The following MARCHF1 variants were observed in gnomAD, a reference collection of about 807,000 sequenced individuals.
MARCHF1 encodes the protein E3 ubiquitin-protein ligase MARCHF1.
A neutral mutation model predicts 54.2 loss-of-function variants in MARCHF1; 40 were observed. The ratio of observed to expected loss-of-function variants is 0.74; its 90% CI spans 0.57 to 0.96. The LOEUF is 0.96. Ranked by LOEUF, MARCHF1 falls within the 40% of genes least tolerant of loss-of-function variation. MARCHF1 has a pLI of 0.00. For synonymous variants in MARCHF1, 236 were observed against 236.3 expected, an observed-to-expected ratio of 1.00 and a Z score of 0.01; for missense variants, 586 against 656.5, an observed-to-expected ratio of 0.89 and a Z score of 1.17.
At chr4:163,713,829 ACCAAAG>A (rs998852105) in intron 4 of MARCHF1, among the ~76,000 whole-genome samples, 6 of 152,202 alleles carry the variant, frequency 3.9e-5, no homozygotes, top group Non-Finnish European at 5.9e-5. Context: ...GTATGATACA[ACCAAAG>A]CCTCAATGAA....
intron 1 of MARCHF1, among the ~76,000 whole-genome samples, chr4:164,229,084 T>C (rs1387444357): frequency 6.6e-6 from 1 of 152,132 alleles, no homozygotes; most frequent in Non-Finnish European, 1.5e-5. Flanking sequence ...CTCAAATATA[T>C]AGAAAGCTGT....
intron 1 of MARCHF1, among the ~76,000 whole-genome samples, chr4:164,175,511 C>A (rs1413231760): frequency 6.6e-6 from 1 of 152,104 alleles, no homozygotes; most frequent in Admixed American, 6.5e-5. Flanking sequence ...TTGGCTAGGC[C>A]ATGGTACTCA....
chr4:164,351,485 C>A (rs1462936931), intron 1 of MARCHF1, among the ~76,000 whole-genome samples: 119 of 151,416 alleles, frequency 7.9e-4, no homozygotes, highest in South Asian at 1.0e-3. Context: ...CTGGGAGGCA[C>A]CCCCCAGCAG....
intron 1 of MARCHF1, among the ~76,000 whole-genome samples, chr4:164,296,587 C>A (rs1734417200): frequency 6.6e-6 from 1 of 152,014 alleles, no homozygotes; most frequent in African/African-American, 2.4e-5. Flanking sequence ...CCAGGCTGGT[C>A]TTGAACTCCT....
intron 4 of MARCHF1, among the ~76,000 whole-genome samples, chr4:163,759,337 AC>A (rs1174184240): frequency 6.6e-6 from 1 of 152,238 alleles, no homozygotes; most frequent in East Asian, 1.9e-4. Context: ...TCCAAAAGGT[AC>A]ATGATAATGT....
intron 1 of MARCHF1, among the ~76,000 whole-genome samples, chr4:164,232,083 C>A (rs1350580732): frequency 6.6e-6 from 1 of 152,080 alleles, no homozygotes; most frequent in Middle Eastern, 3.2e-3. Flanking sequence ...AAGAAGGCAG[C>A]CACTCACATG....
chr4:164,372,089 T>A (rs779727547), intron 1 of MARCHF1, among the ~76,000 whole-genome samples: 1 of 152,172 alleles, frequency 6.6e-6, no homozygotes, highest in African/African-American at 2.4e-5. Flanking sequence ...AAAATAAATT[T>A]AAAAAATGAA....
intron 2 of MARCHF1, among the ~76,000 whole-genome samples, chr4:164,101,136 C>A (rs1755544897): frequency 6.6e-6 from 1 of 152,208 alleles, no homozygotes; most frequent in African/African-American, 2.4e-5. Context: ...TTGCTGATTG[C>A]TAGCACGGCA....
chr4:164,196,439 C>T (rs1253409208), intron 1 of MARCHF1, among the ~76,000 whole-genome samples: 2 of 151,734 alleles, frequency 1.3e-5, no homozygotes, highest in African/African-American at 4.8e-5. Flanking sequence ...ATTATTTTTC[C>T]AAAAATTTGC....
At chr4:163,583,628 A>G (rs960198994) in intron 8 of MARCHF1, 8 of 143,372 alleles carry the variant, frequency 5.6e-5, no homozygotes, top group African/African-American at 2.1e-4. Context: ...CACATTCATT[A>G]TCATGAATTT....
chr4:163,794,529 G>T (rs146729821), intron 4 of MARCHF1, among the ~76,000 whole-genome samples: 1,955 of 152,264 alleles, frequency 0.013, 22 homozygotes, highest in Middle Eastern at 0.027. Context: ...ACACATACAT[G>T]AGCATAGATA....
intron 1 of MARCHF1, among the ~76,000 whole-genome samples, chr4:164,125,643 G>A (rs976116208): frequency 7.2e-5 from 11 of 152,256 alleles, no homozygotes; most frequent in East Asian, 1.9e-4. Context: ...ATTTGCGTTG[G>A]ATCTGCTATA....
intron 4 of MARCHF1, among the ~76,000 whole-genome samples, chr4:163,760,200 A>G (rs2110820881): frequency 6.6e-6 from 1 of 152,234 alleles, no homozygotes; most frequent in African/African-American, 2.4e-5. Context: ...AGCATGGCTG[A>G]TCTGCTCCTT....
chr4:164,115,769 A>G (rs955552730), intron 1 of MARCHF1, among the ~76,000 whole-genome samples: 1 of 152,050 alleles, frequency 6.6e-6, no homozygotes, highest in African/African-American at 2.4e-5. Flanking sequence ...TTCTGAGAAA[A>G]TTTTCCAGGA....
At chr4:163,694,589 C>T (rs561833102) in intron 5 of MARCHF1, among the ~76,000 whole-genome samples, 1 of 151,716 alleles carries the variant, frequency 6.6e-6, no homozygotes, top group African/African-American at 2.4e-5. Context: ...GATGTCTTGT[C>T]CTAGGAATAT....
intron 1 of MARCHF1, among the ~76,000 whole-genome samples, chr4:164,273,535 C>A (rs552677402): frequency 6.6e-6 from 1 of 152,062 alleles, no homozygotes; most frequent in African/African-American, 2.4e-5. Flanking sequence ...AGGATTTTTA[C>A]TAAAGAAAAA....
intron 3 of MARCHF1, among the ~76,000 whole-genome samples, chr4:163,936,023 C>G (rs1159299484): frequency 6.6e-6 from 1 of 151,982 alleles, no homozygotes; most frequent in Admixed American, 6.6e-5. Flanking sequence ...TAGTGGCTAT[C>G]GTATGGTAAT....
intron 5 of MARCHF1, among the ~76,000 whole-genome samples, chr4:163,677,014 GA>G (rs1686081164): frequency 6.6e-6 from 1 of 151,822 alleles, no homozygotes; most frequent in South Asian, 2.1e-4. Flanking sequence ...GTTATGTACT[GA>G]AAAAAGAAAA....
At chr4:163,768,477 T>C (rs1381415790) in intron 4 of MARCHF1, among the ~76,000 whole-genome samples, 1 of 152,226 alleles carries the variant, frequency 6.6e-6, no homozygotes, top group Admixed American at 6.5e-5. Context: ...TACTCCCATT[T>C]TGGCATGGGG....
Sources: gnomAD v4.1 joint callset for allele counts (sites outside exome capture counted in the v4.1 genomes callset) on GRCh38, gnomAD v4.1.1 for gene constraint, MANE v1.5 for transcripts, NCBI Gene and HGNC (gene_info 2026-07-23, HGNC 2026-07-21) for gene names.